The following DOCK5 variants were observed in gnomAD, a reference collection of about 807,000 sequenced individuals.
The protein encoded by DOCK5 is dedicator of cytokinesis protein 5.
In DOCK5, 142 loss-of-function variants were observed where a neutral mutation model predicts 251.8. The observed-to-expected ratio is 0.56, with a 90% CI of 0.49 to 0.65. The LOEUF (loss-of-function observed/expected upper bound fraction) is 0.65. Ranked by LOEUF, DOCK5 falls within the 30% of genes least tolerant of loss-of-function variation. The pLI, the probability that DOCK5 is intolerant of heterozygous loss-of-function variation, is 0.00. For missense variants in DOCK5, 2,111 were observed against 2,312.3 expected (o/e 0.91, Z 1.79); for synonymous variants, 842 against 835.5 (o/e 1.01, Z -0.13).
chr8:25,398,557 C>T (rs1221220064), intron 45 of DOCK5, among the ~76,000 whole-genome samples: 2 of 152,184 alleles, frequency 1.3e-5, no homozygotes, highest in Non-Finnish European at 2.9e-5. Context: ...GTGTTGGTTC[C>T]TTCCAAGGAT....
intron 40 of DOCK5, among the ~76,000 whole-genome samples, chr8:25,388,193 A>G (rs947799598): frequency 1.3e-5 from 2 of 152,214 alleles, no homozygotes; most frequent in Admixed American, 6.5e-5. Context: ...TGTGAGAGCA[A>G]GATCACCATT....
chr8:25,327,590 C>T (rs1232907882), intron 18 of DOCK5, among the ~76,000 whole-genome samples: 5 of 152,186 alleles, frequency 3.3e-5, no homozygotes, highest in Non-Finnish European at 7.3e-5. Flanking sequence ...TTCCTGACAA[C>T]CCGCAGTTCT....
At chr8:25,375,084 C>T in intron 37 of DOCK5, 1 of 790,674 alleles carries the variant, frequency 1.3e-6, no homozygotes, top group Non-Finnish European at 1.6e-6. Flanking sequence ...GTTATGAATC[C>T]CAAGTAATTA....
intron 1 of DOCK5, among the ~76,000 whole-genome samples, chr8:25,227,565 A>G (rs116285205): frequency 1.0e-3 from 158 of 152,298 alleles, no homozygotes; most frequent in African/African-American, 3.7e-3. Flanking sequence ...ATGTCTTGAA[A>G]GCAAAATCCC....
intron 4 of DOCK5, chr8:25,276,797 A>C (rs142214576): frequency 1.3e-5 from 2 of 152,220 alleles, no homozygotes. Context: ...CTGTTATCCA[A>C]AACTCCAAAA....
At chr8:25,374,471 TG>T in intron 36 of DOCK5, 92 bp from the exon 37 acceptor site, 1 of 1,205,376 alleles carries the variant, frequency 8.3e-7, no homozygotes, top group Non-Finnish European at 1.2e-6. Flanking sequence ...TACTGCAGCC[TG>T]GGCAATACAG....
At chr8:25,371,326 G>A (rs1011685995) in intron 34 of DOCK5, among the ~76,000 whole-genome samples, 1 of 152,124 alleles carries the variant, frequency 6.6e-6, no homozygotes, top group Admixed American at 6.5e-5. Context: ...AGCCAAGTGA[G>A]CCACCGTGAT....
At chr8:25,330,079 C>A (rs1586334122) in intron 18 of DOCK5, among the ~76,000 whole-genome samples, 1 of 152,142 alleles carries the variant, frequency 6.6e-6, no homozygotes, top group East Asian at 1.9e-4. Flanking sequence ...TGAATATTCA[C>A]CCCTGGTGAA....
chr8:25,410,118 A>G lies in DOCK5; in HGVS notation c.5424A>G (p.Thr1808=), dbSNP rs1185026197. ...TRTLSSPSLQ[T]DGIAATPVPP... is the part of the protein sequence containing the mutation. The stretch of plus-strand genomic sequence containing the variant: ...TTCTAGGCTCCCCATCGTTGCAGAC[A>G]GATGGAATCGCGGCCACTCCTGTCC... The change falls in exon 51 of 52, where the codon ACA becomes ACG. Residue 1808 remains threonine, a synonymous_variant. Transcript: ENST00000276440. The G allele has an allele frequency of 1.2e-6, 2 of 1,613,560 alleles. No individual in the cohort carries two copies. The highest frequency in any genetic ancestry group is 4.5e-5 in the East Asian group (2 of 44,794).
chr8:25,201,386 T>C (rs1724131787), intron 1 of DOCK5, among the ~76,000 whole-genome samples: 1 of 152,244 alleles, frequency 6.6e-6, no homozygotes, highest in Non-Finnish European at 1.5e-5. Context: ...AAAGAGAACA[T>C]TTATATACAA....
At chr8:25,285,700 C>T (rs1463657600) in intron 5 of DOCK5, among the ~76,000 whole-genome samples, 1 of 152,174 alleles carries the variant, frequency 6.6e-6, no homozygotes, top group African/African-American at 2.4e-5. Flanking sequence ...GTGGTTATTA[C>T]TGGCTGCTGG....
At chr8:25,323,713 A>C (rs1394706868) in intron 16 of DOCK5, 135 bp from the exon 17 acceptor site, 1 of 915,462 alleles carries the variant, frequency 1.1e-6, no homozygotes, top group Admixed American at 2.1e-5. Context: ...TACGTGGCTT[A>C]TTGCAGTTTG....
At chr8:25,347,854 C>A (rs1196579037) in intron 26 of DOCK5, among the ~76,000 whole-genome samples, 1 of 152,150 alleles carries the variant, frequency 6.6e-6, no homozygotes, top group Non-Finnish European at 1.5e-5. Flanking sequence ...ACTTCTGACC[C>A]TATTGTTTAA....
intron 2 of DOCK5, among the ~76,000 whole-genome samples, chr8:25,252,044 TA>T (rs1303159147): frequency 6.6e-6 from 1 of 152,054 alleles, no homozygotes; most frequent in Non-Finnish European, 1.5e-5. Context: ...AACAGAGGCT[TA>T]ATCATCATCC....
In DOCK5 at chr8:25,377,337, T is replaced by C; in HGVS notation, c.3849T>C (p.Leu1283=). 6.2e-7 allele frequency: 1 copy of C among 1,613,634 alleles called. No individual in the cohort carries two copies. Among genetic ancestry groups the C allele is most frequent in the Non-Finnish European group, 8.5e-7 (1 of 1,179,646 alleles). ...WSDKPCVPHL[L]QKDSYYVYTQ... ...ACAAGCCCTGTGTGCCTCATTTGCT[T>C]CAGAAGGACAGTTACTATGTTTATA... is the stretch of plus-strand genomic sequence containing the variant. The change falls in exon 38 of 52, where the codon CTT becomes CTC. Residue 1283 remains leucine (L), a synonymous_variant. Coordinates refer to ENST00000276440, the MANE Select transcript of DOCK5 (RefSeq NM_024940.8).
intron 38 of DOCK5, among the ~76,000 whole-genome samples, chr8:25,379,314 C>T (rs1276734954): frequency 6.9e-6 from 1 of 144,200 alleles, no homozygotes; most frequent in Non-Finnish European, 1.5e-5. Flanking sequence ...ATTTATAGAC[C>T]TCCCCCCAAG....
intron 27 of DOCK5, among the ~76,000 whole-genome samples, chr8:25,357,503 G>A (rs1250012637): frequency 2.0e-5 from 3 of 148,012 alleles, no homozygotes; most frequent in Admixed American, 1.4e-4. Flanking sequence ...TCAGCCTCCC[G>A]AGTAGCTGGG....
At chr8:25,252,604 C>G (rs978118095) in intron 2 of DOCK5, among the ~76,000 whole-genome samples, 1 of 152,172 alleles carries the variant, frequency 6.6e-6, no homozygotes, top group African/African-American at 2.4e-5. Flanking sequence ...ATCTGTTTGA[C>G]CTTTACCTTA....
chr8:25,404,709 A>G (rs560863124), intron 48 of DOCK5, among the ~76,000 whole-genome samples: 2 of 152,152 alleles, frequency 1.3e-5, no homozygotes, highest in East Asian at 1.9e-4. Flanking sequence ...TATTTTGTAC[A>G]TATACAACTA....
Sources: gnomAD v4.1 joint callset for allele counts (sites outside exome capture counted in the v4.1 genomes callset) on GRCh38, gnomAD v4.1.1 for gene constraint, MANE v1.5 for transcripts, NCBI Gene and HGNC (gene_info 2026-07-23, HGNC 2026-07-21) for gene names.